Variants in USP14 observed in about 807,000 individuals in gnomAD.
USP14 encodes ubiquitin carboxyl-terminal hydrolase 14.
USP14 carries 38 observed loss-of-function variants against 76.5 expected under a neutral mutation model. The observed-to-expected ratio is 0.50, with a 90% confidence interval of 0.38 to 0.65. The LOEUF (loss-of-function observed/expected upper bound fraction) is 0.65, where lower values mean the gene tolerates loss of function less well. Among genes scored for constraint, USP14 ranks in the 30% least tolerant of loss-of-function variants. USP14 has a pLI of 0.00. For missense variants in USP14, 467 were observed against 586.5 expected (o/e 0.80, Z 2.10); for synonymous variants, 192 against 191.7 (o/e 1.00, Z -0.01).
At chr18:177,883 ACT>A (rs1348267531) in intron 3 of USP14, among the ~76,000 whole-genome samples, 1 of 152,088 alleles carries the variant, frequency 6.6e-6, no homozygotes, top group Non-Finnish European at 1.5e-5. Flanking sequence ...GAACAAATTT[ACT>A]CTGTATTTGG....
Position 211,435 on chromosome 18 carries a change from C to G in USP14, c.*151C>G. 2 of 696,076 alleles carry G rather than the reference C, an allele frequency of 2.9e-6. No homozygotes were observed. Among genetic ancestry groups the G allele is most frequent in the Non-Finnish European group, 4.4e-6 (2 of 458,274 alleles). 43.1% of individuals were successfully genotyped at this position (696,076 alleles called of 1,614,324 possible). ...GGACAGAAGCAGACCACTCTGTGCA[C>G]CAACCTAAAAAATTACAGAGAAGAG... On this transcript the variant is annotated 3_prime_UTR_variant, in exon 16 of 16. Transcript: ENST00000261601.
intron 10 of USP14, among the ~76,000 whole-genome samples, chr18:199,819 G>GTTGT (rs1910338598): frequency 6.6e-6 from 1 of 152,194 alleles, no homozygotes; most frequent in South Asian, 2.1e-4. Context: ...TGATGAAAAT[G>GTTGT]TTGTGATCAA....
rs376844459 is a variant in USP14 at position 194,230 on chromosome 18, T to C, written c.463+1330T>C. On this transcript the variant is annotated intron_variant, in intron 6 of 15. Coordinates refer to ENST00000261601, the MANE Select transcript of USP14 (RefSeq NM_005151.4). ...GTTAGAGAGATTTTACTCTAACTTT[T>C]TTTCCTAAAGTAGACTTACTTGTTG... 2.4e-4 allele frequency among the ~76,000 whole-genome samples: 37 copies of C among 152,346 alleles called. No homozygotes were observed. The East Asian group carries it at 2.7e-3, about 11-fold the overall frequency.
intron 1 of USP14, among the ~76,000 whole-genome samples, chr18:161,093 C>G (rs1334019976): frequency 1.3e-5 from 2 of 152,008 alleles, no homozygotes; most frequent in Non-Finnish European, 2.9e-5. Flanking sequence ...ATGCCTAGCT[C>G]ATTTTTGTAT....
chr18:190,781 T>G (rs1270977633), intron 5 of USP14, among the ~76,000 whole-genome samples: 1 of 152,150 alleles, frequency 6.6e-6, no homozygotes, highest in Admixed American at 6.5e-5. Context: ...TCTCAGTACT[T>G]TTGACTGTAA....
chr18:192,116 A>G (rs965448050), intron 5 of USP14, among the ~76,000 whole-genome samples: 2 of 152,248 alleles, frequency 1.3e-5, no homozygotes, highest in Admixed American at 1.3e-4. Flanking sequence ...GACCTATTTA[A>G]TGATACACAG....
chr18:203,352 G>T (rs1204693573), intron 12 of USP14, among the ~76,000 whole-genome samples, 162 bp downstream of exon 12: 1 of 152,050 alleles, frequency 6.6e-6, no homozygotes, highest in African/African-American at 2.4e-5. Context: ...ACGTATATTA[G>T]AATTATCTAT....
chr18:193,569 A>G (rs189360954), intron 6 of USP14, among the ~76,000 whole-genome samples: 2 of 152,296 alleles, frequency 1.3e-5, no homozygotes, highest in Admixed American at 1.3e-4. Context: ...CCAAAAAGCA[A>G]CTTCATAACA....
chr18:189,781 G>A (rs1011189194), intron 5 of USP14, among the ~76,000 whole-genome samples: 8 of 152,170 alleles, frequency 5.3e-5, no homozygotes, highest in Non-Finnish European at 1.0e-4. Flanking sequence ...TGCCTGGCGC[G>A]TTTATTTTTG....
chr18:158,722 C>G lies in USP14; in HGVS notation c.16+8C>G, dbSNP rs757997899. 2.6e-6 allele frequency: 4 copies of G among 1,512,116 alleles called. No individual in the cohort carries two copies. The highest frequency in any genetic ancestry group is 3.5e-6 in the Non-Finnish European group (4 of 1,139,212). 93.7% of individuals were successfully genotyped at this position (1,512,116 alleles called of 1,614,324 possible). A position where few individuals can be genotyped will look rare whatever the true frequency, so the allele number is the denominator to read the frequency against. On this transcript the variant is annotated splice_region_variant and intron_variant, in intron 1 of 15. Coordinates refer to ENST00000261601, the MANE Select transcript of USP14 (RefSeq NM_005151.4). ...CCATGCCGCTCTACTCCGGTGAGCC[C>G]TGTCCTGGCCTCGCGCGCAGCACAC... is the stretch of plus-strand genomic sequence containing the variant.
chr18:184,267 G>A (rs560122652), intron 5 of USP14, among the ~76,000 whole-genome samples: 16 of 152,214 alleles, frequency 1.1e-4, no homozygotes, highest in African/African-American at 3.6e-4. Context: ...TTTCTCAAGA[G>A]AGTGCACTTA....
chr18:196,222 G>A (rs1189227013), intron 6 of USP14, among the ~76,000 whole-genome samples: 1 of 151,866 alleles, frequency 6.6e-6, no homozygotes, highest in African/African-American at 2.4e-5. Flanking sequence ...TACTCGGGAG[G>A]CCCTTCTGTG....
chr18:199,356 C>T, intron 10 of USP14, 40 bp downstream of exon 10: 1 of 1,453,912 alleles, frequency 6.9e-7, no homozygotes, highest in Non-Finnish European at 9.6e-7. Context: ...TTTGTGAATT[C>T]CATGTTTGCG....
intron 3 of USP14, among the ~76,000 whole-genome samples, chr18:169,734 T>A (rs1598264499): frequency 1.3e-5 from 2 of 152,294 alleles, no homozygotes; most frequent in African/African-American, 4.8e-5. Context: ...ATAGGCACCA[T>A]TTTTCCAGCA....
rs1909225506 is a variant in USP14 at position 164,920 on chromosome 18, T to C, written c.162+1467T>C. On this transcript the variant is annotated intron_variant, in intron 2 of 15. Transcript: ENST00000261601. ...CCTGCCAGCATCATTGATGAAGGAC[T>C]GCAGAAAAGACAAGAAGATATCTAT... Among the ~76,000 whole-genome samples the C allele has an allele frequency of 2.0e-5, 3 of 152,190 alleles. No individual in the cohort carries two copies. In the South Asian group the frequency reaches 6.2e-4, roughly 31 times the overall value.
intron 3 of USP14, among the ~76,000 whole-genome samples, chr18:173,273 A>AT (rs1213978975): frequency 1.1e-4 from 17 of 149,462 alleles, no homozygotes; most frequent in Admixed American, 6.0e-4. Flanking sequence ...ACACCCGGCT[A>AT]TTTTTTTTGT....
At chr18:187,098 T>C (rs759753648) in intron 5 of USP14, among the ~76,000 whole-genome samples, 1 of 152,208 alleles carries the variant, frequency 6.6e-6, no homozygotes, top group Non-Finnish European at 1.5e-5. Context: ...ATTTTTTGAC[T>C]ACTGGTAAGA....
At chr18:170,147 A>G (rs1909401744) in intron 3 of USP14, among the ~76,000 whole-genome samples, 1 of 152,064 alleles carries the variant, frequency 6.6e-6, no homozygotes, top group Non-Finnish European at 1.5e-5. Context: ...CTAAATAAAA[A>G]TAGAAAAATA....
chr18:182,766 G>T (rs17447476), intron 5 of USP14, among the ~76,000 whole-genome samples: 1 of 152,206 alleles, frequency 6.6e-6, no homozygotes, highest in Admixed American at 6.5e-5. Flanking sequence ...CTGGATGAGA[G>T]GTTAGGGAAG....
Sources: gnomAD v4.1 joint callset for allele counts (sites outside exome capture counted in the v4.1 genomes callset) on GRCh38, gnomAD v4.1.1 for gene constraint, MANE v1.5 for transcripts, NCBI Gene and HGNC (gene_info 2026-07-23, HGNC 2026-07-21) for gene names.